SGSM3: variants seen among roughly 807,000 people sequenced by gnomAD.
SGSM3 encodes the protein RUN and SH3 containing 3.
A neutral mutation model predicts 100.5 loss-of-function variants in SGSM3; 96 were observed. The ratio of observed to expected loss-of-function variants is 0.96; its 90% CI spans 0.81 to 1.13. The LOEUF (loss-of-function observed/expected upper bound fraction) is 1.13. Ranked by LOEUF, SGSM3 falls within the 50% of genes most tolerant of loss-of-function variation. The pLI, the probability that SGSM3 is intolerant of heterozygous loss-of-function variation, is 0.00. For missense variants in SGSM3, 1,001 were observed against 1,015.8 expected, an observed-to-expected ratio of 0.99 and a Z score of 0.20; for synonymous variants, 483 against 422.8, an observed-to-expected ratio of 1.14 and a Z score of -1.75.
chr22:40,386,607 A>T (rs1231549522), intron 1 of SGSM3, among the ~76,000 whole-genome samples: 1 of 131,128 alleles, frequency 7.6e-6, no homozygotes, highest in African/African-American at 2.9e-5. Context: ...AGACAACTAG[A>T]GATCAGGTCT....
At chr22:40,374,654 A>G (rs2046251439) in intron 1 of SGSM3, among the ~76,000 whole-genome samples, 1 of 152,204 alleles carries the variant, frequency 6.6e-6, no homozygotes, top group Non-Finnish European at 1.5e-5. Flanking sequence ...AGGCCAAGGT[A>G]GAGGATTGCT....
At chr22:40,377,502 ACACCTTTAACTTTTACAT>A (rs1165957093) in intron 1 of SGSM3, among the ~76,000 whole-genome samples, 1 of 152,200 alleles carries the variant, frequency 6.6e-6, no homozygotes, top group East Asian at 1.9e-4. Flanking sequence ...TGCAGCTGAG[ACACCTTTAACTTTTACAT>A]GGCATGAGGT....
intron 8 of SGSM3, 109 bp downstream of exon 8, chr22:40,405,953 T>C (rs1037149563): frequency 1.6e-5 from 24 of 1,484,674 alleles, no homozygotes; most frequent in Non-Finnish European, 2.2e-5. Context: ...TGTCGCTCTT[T>C]TGTTCTCTGG....
chr22:40,390,823 A>G (rs2046588513), intron 1 of SGSM3, among the ~76,000 whole-genome samples: 1 of 152,204 alleles, frequency 6.6e-6, no homozygotes, highest in South Asian at 2.1e-4. Flanking sequence ...AGAGGAGGGC[A>G]TTATGAGCAG....
chr22:40,407,441 G>C lies in SGSM3; in HGVS notation c.1397G>C (p.Ser466Thr). Residue 466 changes from serine (S) to threonine (T), a missense_variant, in exon 13 of 22, where the codon AGC (serine) becomes ACC (threonine). Coordinates refer to ENST00000248929, the MANE Select transcript of SGSM3 (RefSeq NM_015705.6). The surrounding 1 kb of genome is among the most constrained non-coding windows in gnomAD (Gnocchi z 4.7). ...CTGACTCCAGACTATAGCATGGAGA[G>C]CCACCAGCGGGACCACGAGAACTAC... ...VELTPDYSME[S>T]HQRDHENYVA... 1.2e-6 allele frequency: 2 copies of C among 1,612,780 alleles called. No homozygotes were observed. The highest frequency in any genetic ancestry group is 1.3e-5 in the African/African-American group (1 of 75,086).
intron 9 of SGSM3, 95 bp downstream of exon 9, chr22:40,406,318 C>T (rs1355444974): frequency 2.6e-6 from 4 of 1,549,942 alleles, no homozygotes; most frequent in Admixed American, 1.8e-5. Context: ...GACCAGCCCC[C>T]TGGCCCCTGA....
chr22:40,404,209 G>A (rs749164432), intron 4 of SGSM3, 38 bp from the exon 5 acceptor site: 7 of 1,488,406 alleles, frequency 4.7e-6, no homozygotes, highest in Middle Eastern at 1.8e-4. Flanking sequence ...ACGTAGTAGA[G>A]AATGCTTTTT....
intron 1 of SGSM3, among the ~76,000 whole-genome samples, chr22:40,385,922 G>C (rs2048340844): frequency 6.6e-6 from 1 of 152,108 alleles, no homozygotes; most frequent in Non-Finnish European, 1.5e-5. Flanking sequence ...TGCAACCTCA[G>C]CCCACTGCAG....
intron 4 of SGSM3, among the ~76,000 whole-genome samples, chr22:40,402,799 G>A (rs2050933869): frequency 6.6e-6 from 1 of 152,192 alleles, no homozygotes; most frequent in African/African-American, 2.4e-5. Context: ...TGAATATACA[G>A]TATTTGGATA....
At position 40,410,111 on chromosome 22, in the gene SGSM3, A is replaced by T. The variant is rs1299805535; in HGVS notation, c.*352A>T. 3.5e-6 allele frequency: 4 copies of T among 1,154,796 alleles called. No individual in the cohort carries two copies. Among genetic ancestry groups the T allele is most frequent in the African/African-American group, 1.6e-5 (1 of 62,476 alleles). 71.5% of individuals were successfully genotyped at this position (1,154,796 alleles called of 1,614,324 possible). On this transcript the variant is annotated 3_prime_UTR_variant, in exon 22 of 22. Transcript: ENST00000248929. ...AAACTGTGTCTGTCTTTGAGAAAGC[A>T]CCTACCTGTCTTCTGTGCAGCTAGG...
Position 40,408,134 on chromosome 22 carries a change from G to C in SGSM3, c.1629+14G>C. 6.2e-7 allele frequency: 1 copy of C among 1,607,618 alleles called. No homozygotes were observed. Among genetic ancestry groups the C allele is most frequent in the Non-Finnish European group, 8.5e-7 (1 of 1,175,008 alleles). ...CGCAGCAAAGAGGTGAGGGGGGTGG[G>C]CGGGCTAGGCACGGCTGGCACCCTT... On this transcript the variant is annotated intron_variant, in intron 15 of 21. Coordinates refer to ENST00000248929, the MANE Select transcript of SGSM3 (RefSeq NM_015705.6).
Position 40,374,549 on chromosome 22 carries a change from A to G in SGSM3, c.-112+3861A>G, listed in dbSNP as rs2146734837. Among the ~76,000 whole-genome samples, 3 of 152,208 alleles carry G rather than the reference A, an allele frequency of 2.0e-5. No homozygotes were observed. The South Asian group carries it at 6.2e-4, about 32-fold the overall frequency. ...GGGGCTTTGTGTTGTTCACCACCTC[A>G]CCCCCATCTCCTAGAACAGTGGTAG... On this transcript the variant is annotated intron_variant, in intron 1 of 21. Coordinates refer to ENST00000248929, the MANE Select transcript of SGSM3 (RefSeq NM_015705.6).
chr22:40,387,407 G>A (rs2048653384), intron 1 of SGSM3: 1 of 386,302 alleles, frequency 2.6e-6, no homozygotes, highest in East Asian at 3.7e-5. Context: ...ATGTAAAGAT[G>A]AGATAGTTTG....
At chr22:40,382,246 A>G (rs1404151417) in intron 1 of SGSM3, among the ~76,000 whole-genome samples, 1 of 152,204 alleles carries the variant, frequency 6.6e-6, no homozygotes, top group South Asian at 2.1e-4. Flanking sequence ...CAGTTCTTCC[A>G]TTTATCTATT....
chr22:40,409,145 G>T, intron 19 of SGSM3, 105 bp from the exon 20 acceptor site: 1 of 1,556,986 alleles, frequency 6.4e-7, no homozygotes, highest in Non-Finnish European at 8.7e-7. Flanking sequence ...TCCCCAAAGA[G>T]GGTGGTCTGG....
At chr22:40,385,646 G>C (rs1601840327) in intron 1 of SGSM3, among the ~76,000 whole-genome samples, 1 of 152,326 alleles carries the variant, frequency 6.6e-6, no homozygotes, top group Middle Eastern at 3.4e-3. Context: ...CTGGAGTACA[G>C]TCCCTCAGCT....
intron 1 of SGSM3, among the ~76,000 whole-genome samples, chr22:40,386,936 A>C (rs1010402502): frequency 3.3e-5 from 5 of 152,044 alleles, no homozygotes; most frequent in Admixed American, 6.6e-5. Context: ...TTCACACACA[A>C]AAAATTTTTT....
intron 1 of SGSM3, among the ~76,000 whole-genome samples, chr22:40,383,041 C>G (rs1267073672): frequency 6.6e-6 from 1 of 152,108 alleles, no homozygotes; most frequent in East Asian, 1.9e-4. Flanking sequence ...TTAAATATCT[C>G]ATGAAACAGG....
chr22:40,383,960 G>A (rs73167017), intron 1 of SGSM3, among the ~76,000 whole-genome samples: 5,695 of 152,238 alleles, frequency 0.037, 174 homozygotes, highest in Non-Finnish European at 0.055. Context: ...GTAAAAGCAG[G>A]AGCCAAGGCC....
Sources: allele counts gnomAD v4.1 joint callset (sites outside exome capture counted in the v4.1 genomes callset), GRCh38; gene constraint gnomAD v4.1.1; non-coding constraint Gnocchi (gnomAD v3.1); transcripts MANE v1.5; gene names NCBI Gene and HGNC (gene_info 2026-07-23, HGNC 2026-07-21).